CTNNA3: variants seen among roughly 807,000 people sequenced by gnomAD.
CTNNA3 encodes the protein catenin alpha-3.
Under a neutral mutation model 95.7 loss-of-function variants are expected in CTNNA3, and 76 were observed. The ratio of observed to expected loss-of-function variants is 0.79; its 90% CI spans 0.66 to 0.96. The LOEUF is 0.96. Among genes scored for constraint, CTNNA3 ranks in the 40% least tolerant of loss-of-function variants. The pLI is 0.00. For missense variants in CTNNA3, 1,191 were observed against 1,089.8 expected (o/e 1.09, Z -1.31); for synonymous variants, 431 against 374.4 (o/e 1.15, Z -1.74).
chr10:66,565,781 A>G (rs1295110627), intron 10 of CTNNA3, among the ~76,000 whole-genome samples: 1 of 152,124 alleles, frequency 6.6e-6, no homozygotes, highest in Non-Finnish European at 1.5e-5. Flanking sequence ...CTCTCATTGC[A>G]CTGATCTCTC....
chr10:67,104,577 G>A (rs1159788659), intron 7 of CTNNA3, among the ~76,000 whole-genome samples: 1 of 151,858 alleles, frequency 6.6e-6, no homozygotes, highest in Non-Finnish European at 1.5e-5. Context: ...TGATTCTTAA[G>A]TAGACTCTCG....
chr10:66,717,135 C>T (rs1848477033), intron 9 of CTNNA3, among the ~76,000 whole-genome samples: 1 of 151,968 alleles, frequency 6.6e-6, no homozygotes, highest in Admixed American at 6.6e-5. Context: ...GCCTGCCAAC[C>T]TGCCCTACAA....
At chr10:66,422,156 C>A (rs2093201577) in intron 11 of CTNNA3, among the ~76,000 whole-genome samples, 2 of 151,910 alleles carry the variant, frequency 1.3e-5, no homozygotes, top group South Asian at 2.1e-4. Flanking sequence ...ACTTTATAAT[C>A]CTCAAGTTTG....
intron 7 of CTNNA3, among the ~76,000 whole-genome samples, chr10:67,043,396 A>G (rs1229777629): frequency 1.3e-5 from 2 of 152,152 alleles, no homozygotes; most frequent in African/African-American, 2.4e-5. Context: ...AAAACATGCT[A>G]CTGAAACCCT....
At chr10:66,583,392 T>C (rs961289732) in intron 10 of CTNNA3, among the ~76,000 whole-genome samples, 2 of 151,668 alleles carry the variant, frequency 1.3e-5, no homozygotes, top group African/African-American at 4.8e-5. Flanking sequence ...TTTCTAGTTC[T>C]TCCTGATTCA....
chr10:66,644,260 C>CTCTGTCTG (rs138947110), intron 9 of CTNNA3, among the ~76,000 whole-genome samples: 4 of 144,416 alleles, frequency 2.8e-5, no homozygotes, highest in Admixed American at 2.1e-4. Context: ...GACTTGGTCT[C>CTCTGTCTG]TCTGTCTGTC....
At chr10:66,108,612 T>C (rs34125811) in intron 13 of CTNNA3, among the ~76,000 whole-genome samples, 11,185 of 152,216 alleles carry the variant, frequency 0.073, 513 homozygotes, top group Admixed American at 0.12. Context: ...ATTTTTTTCC[T>C]TTTTTTGGCA....
At chr10:66,572,263 A>G (rs1174653305) in intron 10 of CTNNA3, among the ~76,000 whole-genome samples, 1 of 151,882 alleles carries the variant, frequency 6.6e-6, no homozygotes, top group Non-Finnish European at 1.5e-5. Flanking sequence ...CGTGCCTGTA[A>G]TCCCATCTAC....
intron 2 of CTNNA3, among the ~76,000 whole-genome samples, chr10:67,613,793 T>A (rs1843547239): frequency 6.6e-6 from 1 of 151,650 alleles, no homozygotes; most frequent in African/African-American, 2.4e-5. Context: ...TAAGCCACGG[T>A]TCCCCAACCT....
rs368183533 is a variant in CTNNA3, at chr10:67,683,902, G to A, written c.-6+12098C>T. Among the ~76,000 whole-genome samples the A allele has an allele frequency of 3.9e-5, 6 of 152,154 alleles. No individual in the cohort carries two copies. In the East Asian group the frequency reaches 9.6e-4, roughly 24 times the overall value. ...GGTTTGTTCCTCCCGATGGGTTCAC[G>A]GTCTCGCTCACGTCAGGAATGAAGC... On this transcript the variant is annotated intron_variant, in intron 1 of 17. Coordinates refer to ENST00000433211, the MANE Select transcript of CTNNA3 (RefSeq NM_013266.4).
intron 7 of CTNNA3, among the ~76,000 whole-genome samples, chr10:66,800,824 T>C (rs1162557771): frequency 1.3e-5 from 2 of 151,352 alleles, no homozygotes; most frequent in African/African-American, 4.8e-5. Context: ...CAAATAAAAA[T>C]GGAAAAGCTT....
intron 7 of CTNNA3, among the ~76,000 whole-genome samples, chr10:67,143,914 T>G (rs1860717000): frequency 6.6e-6 from 1 of 152,246 alleles, no homozygotes; most frequent in Admixed American, 6.5e-5. Context: ...TGGTGAATTA[T>G]TTCCAAAAGA....
chr10:66,793,172 T>C (rs1841045435), intron 7 of CTNNA3, among the ~76,000 whole-genome samples: 1 of 151,994 alleles, frequency 6.6e-6, no homozygotes, highest in African/African-American at 2.4e-5. Flanking sequence ...TAAGACAGAG[T>C]CTTCACTCTG....
At chr10:66,120,033 AC>A (rs1419405957) in intron 13 of CTNNA3, among the ~76,000 whole-genome samples, 1 of 152,216 alleles carries the variant, frequency 6.6e-6, no homozygotes, top group Admixed American at 6.5e-5. Context: ...TGTAAGGCAC[AC>A]TTTTCATTCT....
At chr10:66,133,803 T>C (rs1231658977) in intron 13 of CTNNA3, among the ~76,000 whole-genome samples, 1 of 152,158 alleles carries the variant, frequency 6.6e-6, no homozygotes, top group African/African-American at 2.4e-5. Flanking sequence ...TGAATGAGGT[T>C]AGGAAAACTG....
chr10:66,644,264 G>GTCTC lies in CTNNA3; in HGVS notation c.1282-22481_1282-22480insGAGA, dbSNP rs1845615061. Among the ~76,000 whole-genome samples the GTCTC allele has an allele frequency of 7.5e-5, 10 of 134,042 alleles. No homozygotes were observed. In the South Asian group the frequency reaches 2.6e-3, roughly 35 times the overall value. 87.9% of individuals were successfully genotyped at this position (134,042 alleles called of 152,430 possible). A position where few individuals can be genotyped will look rare whatever the true frequency, so the allele number is the denominator to read the frequency against. ...ACGGAATAAGAGACTTGGTCTCTCT[G>GTCTC]TCTGTCTGTCTGTCTGTCTGTCTGT... On this transcript the variant is annotated intron_variant, in intron 9 of 17. Coordinates refer to ENST00000433211, the MANE Select transcript of CTNNA3 (RefSeq NM_013266.4).
Position 66,942,125 on chromosome 10 carries a change from CAT to C in CTNNA3, c.1048-166603_1048-166602del, listed in dbSNP as rs199625202. On this transcript the variant is annotated intron_variant, in intron 7 of 17. Transcript: ENST00000433211. ...CAATTTTGAGGATAAATTGAGATAACATATGTTTGCAGGCACAGCAGGTGTCA... is the reference window on the plus strand; with the variant it reads ...CAATTTTGAGGATAAATTGAGATAACATGTTTGCAGGCACAGCAGGTGTCA... Among the ~76,000 whole-genome samples the C allele has an allele frequency of 5.3e-5, 8 of 152,220 alleles. No individual in the cohort carries two copies. In the East Asian group the frequency reaches 1.4e-3, roughly 26 times the overall value.
chr10:67,604,329 G>A (rs926202311), intron 3 of CTNNA3, among the ~76,000 whole-genome samples: 1 of 152,214 alleles, frequency 6.6e-6, no homozygotes, highest in Non-Finnish European at 1.5e-5. Context: ...TGCATCACAG[G>A]AAAGAGGTGC....
intron 13 of CTNNA3, among the ~76,000 whole-genome samples, chr10:66,129,971 C>T (rs1445143541): frequency 5.3e-5 from 8 of 152,160 alleles, no homozygotes; most frequent in African/African-American, 1.9e-4. Flanking sequence ...CCACCCTTCT[C>T]CCCACCACAC....
Sources: allele counts gnomAD v4.1 joint callset (sites outside exome capture counted in the v4.1 genomes callset), GRCh38; gene constraint gnomAD v4.1.1; transcripts MANE v1.5; gene names NCBI Gene and HGNC (gene_info 2026-07-23, HGNC 2026-07-21).